The following ASIP variants were observed in gnomAD, a reference collection of about 807,000 sequenced individuals.
The protein encoded by ASIP is agouti signaling protein.
A neutral mutation model predicts 10.3 loss-of-function variants in ASIP; 11 were observed. The ratio of observed to expected loss-of-function variants is 1.07; its 90% CI spans 0.68 to 1.78. ASIP has a LOEUF of 1.78. Among genes scored for constraint, ASIP ranks in the 40% most tolerant of loss-of-function variants. The pLI is 0.00. For synonymous variants in ASIP, 70 were observed against 70.8 expected, an observed-to-expected ratio of 0.99 and a Z score of 0.06; for missense variants, 180 against 169.2, an observed-to-expected ratio of 1.06 and a Z score of -0.35.
At chr20:34,198,758 T>C (rs117194239) in intron 1 of ASIP, among the ~76,000 whole-genome samples, 2,325 of 152,242 alleles carry the variant, frequency 0.015, 32 homozygotes, top group Non-Finnish European at 0.026. Context: ...GGATTACAGG[T>C]CTGAGCCACC....
At chr20:34,198,290 AT>A (rs2034871652) in intron 1 of ASIP, among the ~76,000 whole-genome samples, 1 of 151,756 alleles carries the variant, frequency 6.6e-6, no homozygotes, top group Non-Finnish European at 1.5e-5. Flanking sequence ...GGGTTTCACC[AT>A]GTTGGCCAGG....
rs1008431708 is a variant in ASIP, at chr20:34,267,844, A to T, written c.223-1147A>T. On this transcript the variant is annotated intron_variant, in intron 3 of 3. Coordinates refer to ENST00000374954, the MANE Select transcript of ASIP (RefSeq NM_001672.3). The stretch of plus-strand genomic sequence containing the variant: ...CCACACCCAGTTGATAACCATATTT[A>T]AAAAAAAAAAAGGTGCAATTAATTG... 1.1e-3 allele frequency among the ~76,000 whole-genome samples: 57 copies of T among 51,526 alleles called. 1 individual carries two copies. The East Asian group carries it at 0.021, about 19-fold the overall frequency. 33.8% of individuals were successfully genotyped at this position (51,526 alleles called of 152,430 possible).
At chr20:34,213,010 T>C (rs1306941309) in intron 1 of ASIP, among the ~76,000 whole-genome samples, 1 of 152,224 alleles carries the variant, frequency 6.6e-6, no homozygotes, top group East Asian at 1.9e-4. Flanking sequence ...CCTCCTAGAA[T>C]GTTTATCCCT....
At chr20:34,209,436 AC>A (rs759138454) in intron 1 of ASIP, among the ~76,000 whole-genome samples, 30 of 152,090 alleles carry the variant, frequency 2.0e-4, no homozygotes, top group Non-Finnish European at 3.5e-4. Flanking sequence ...CAGGAACCCC[AC>A]CCTCCTGGAT....
chr20:34,202,720 T>A (rs1267852661), intron 1 of ASIP, among the ~76,000 whole-genome samples: 1 of 152,098 alleles, frequency 6.6e-6, no homozygotes, highest in Non-Finnish European at 1.5e-5. Flanking sequence ...TTCCATTTCC[T>A]GTAACTTTGC....
chr20:34,236,298 G>A (rs887131846), intron 1 of ASIP, among the ~76,000 whole-genome samples: 55 of 152,324 alleles, frequency 3.6e-4, no homozygotes, highest in African/African-American at 1.3e-3. Flanking sequence ...CCAGCACTTT[G>A]GGAGGCCGAA....
intron 1 of ASIP, among the ~76,000 whole-genome samples, chr20:34,220,183 C>T (rs961459734): frequency 1.3e-5 from 2 of 152,122 alleles, no homozygotes; most frequent in African/African-American, 4.8e-5. Context: ...ACTGACATAC[C>T]CATAAAAGGA....
intron 1 of ASIP, among the ~76,000 whole-genome samples, chr20:34,226,026 T>C (rs1021583893): frequency 1.3e-5 from 2 of 152,122 alleles, no homozygotes; most frequent in Admixed American, 1.3e-4. Context: ...CCTGAGTAGC[T>C]GGGATTACAG....
chr20:34,213,371 G>A (rs748428334), intron 1 of ASIP: 6 of 586,476 alleles, frequency 1.0e-5, no homozygotes, highest in Non-Finnish European at 1.8e-5. Context: ...GTCTAAGACA[G>A]AAAGTTAATG....
chr20:34,195,768 A>C (rs1477815325), intron 1 of ASIP, among the ~76,000 whole-genome samples: 2 of 152,234 alleles, frequency 1.3e-5, no homozygotes, highest in Non-Finnish European at 2.9e-5. Context: ...AGATATAGCC[A>C]AAATTGAGAC....
chr20:34,223,129 G>T (rs1416420439), intron 1 of ASIP, among the ~76,000 whole-genome samples: 1 of 150,592 alleles, frequency 6.6e-6, no homozygotes, highest in Non-Finnish European at 1.5e-5. Context: ...TGGCTGCCCA[G>T]TCTGGAAAGT....
chr20:34,212,759 G>T (rs1239593239), intron 1 of ASIP, among the ~76,000 whole-genome samples: 1 of 152,026 alleles, frequency 6.6e-6, no homozygotes, highest in Non-Finnish European at 1.5e-5. Flanking sequence ...TTTCCCACCT[G>T]CCCTTGTTAA....
chr20:34,269,212 G>C lies in ASIP; in HGVS notation c.*45G>C. ...CGAGCAGGCAGGGCTTCGGGGACGC[G>C]GGGCGCTTCTCGGGCGGGTGATCCC... On this transcript the variant is annotated 3_prime_UTR_variant, in exon 4 of 4. Coordinates refer to ENST00000374954, the MANE Select transcript of ASIP (RefSeq NM_001672.3). 1 of 1,443,242 alleles carries C rather than the reference G, an allele frequency of 6.9e-7. No individual in the cohort carries two copies. The highest frequency in any genetic ancestry group is 9.1e-7 in the Non-Finnish European group (1 of 1,101,904). The allele number at this position is 1,443,242 out of a possible 1,614,324, so 89.4% of individuals were successfully genotyped here.
At position 34,262,856 on chromosome 20, in the gene ASIP, T is replaced by A. The variant is rs565407899; in HGVS notation, c.185T>A (p.Ile62Asn). ...GCGCTGAACAAGAAATCCAAACAGATCGGCAGAAAAGCAGCAGAAAAGAAA... is the reference window on the plus strand; with the variant it reads ...GCGCTGAACAAGAAATCCAAACAGAACGGCAGAAAAGCAGCAGAAAAGAAA... The part of the protein sequence containing the change: ...IVALNKKSKQ[I>N]GRKAAEKKRS... Residue 62 changes from isoleucine (I) to asparagine (N), a missense_variant, in exon 3 of 4, where the codon ATC (isoleucine) becomes AAC (asparagine). Physicochemically the swap from Ile to Asn is moderately radical, Grantham distance 149. Transcript: ENST00000374954. The A allele has an allele frequency of 3.1e-6, 5 of 1,613,948 alleles. No homozygotes were observed. Among genetic ancestry groups the A allele is most frequent in the East Asian group, 2.2e-5 (1 of 44,868 alleles).
intron 1 of ASIP, among the ~76,000 whole-genome samples, chr20:34,211,257 A>G (rs567906665): frequency 6.6e-6 from 1 of 152,060 alleles, no homozygotes; most frequent in East Asian, 1.9e-4. Flanking sequence ...CTGATCTCAA[A>G]CTCCTGATCT....
chr20:34,267,985 T>C (rs2035818336), intron 3 of ASIP, among the ~76,000 whole-genome samples: 1 of 152,234 alleles, frequency 6.6e-6, no homozygotes, highest in Admixed American at 6.5e-5. Flanking sequence ...ATCTGGTGCA[T>C]AGTTTACAGC....
chr20:34,235,908 A>G (rs1344194682), intron 1 of ASIP, among the ~76,000 whole-genome samples: 1 of 113,828 alleles, frequency 8.8e-6, no homozygotes, highest in African/African-American at 5.8e-5. Flanking sequence ...GAAAGGAAGG[A>G]AGGAAGGAAG....
In ASIP at chr20:34,234,332, A is replaced by G. The variant is rs150265262; in HGVS notation, c.-10-26033A>G. Among the ~76,000 whole-genome samples, 208 of 152,330 alleles carry G rather than the reference A, an allele frequency of 1.4e-3. 1 individual carries two copies. Among genetic ancestry groups the G allele is most frequent in the African/African-American group, 4.8e-3 (201 of 41,586 alleles). ...CTAGTGCCTAAGAATCAGTAAAAATATAGCATAACTAGTCAGTCCTAAGGG... is the reference window on the plus strand; with the variant it reads ...CTAGTGCCTAAGAATCAGTAAAAATGTAGCATAACTAGTCAGTCCTAAGGG... On this transcript the variant is annotated intron_variant, in intron 1 of 3. Coordinates refer to the ASIP transcript ENST00000568305.
chr20:34,210,518 TCA>T (rs2034967777), intron 1 of ASIP, among the ~76,000 whole-genome samples: 1 of 152,206 alleles, frequency 6.6e-6, no homozygotes, highest in African/African-American at 2.4e-5. Context: ...GCTTGCTCAC[TCA>T]CACACCTGCT....
Sources: gnomAD v4.1 joint callset for allele counts (sites outside exome capture counted in the v4.1 genomes callset) on GRCh38, gnomAD v4.1.1 for gene constraint, MANE v1.5 for transcripts, NCBI Gene and HGNC (gene_info 2026-07-23, HGNC 2026-07-21) for gene names.